GNG12: variants seen among roughly 807,000 people sequenced by gnomAD.
The protein encoded by GNG12 is G protein subunit gamma 12.
For synonymous variants in GNG12, 28 were observed against 29.7 expected (o/e 0.94, Z 0.19); for missense variants, 69 against 83.8 (o/e 0.82, Z 0.69).
chr1:67,744,518 G>A (rs947839877), intron 2 of GNG12, among the ~76,000 whole-genome samples: 1 of 152,146 alleles, frequency 6.6e-6, no homozygotes, highest in Non-Finnish European at 1.5e-5. Flanking sequence ...TTGTAAGAAG[G>A]AGCACCAGTT....
rs141636525 is a variant in GNG12, at chr1:67,707,687, C to T, written c.-1G>A. The T allele has an allele frequency of 9.4e-6, 15 of 1,594,902 alleles. No homozygotes were observed. Among genetic ancestry groups the T allele is most frequent in the Non-Finnish European group, 1.3e-5 (15 of 1,172,188 alleles). The stretch of plus-strand genomic sequence containing the variant: ...TGGTGCTTGCTGTTTTGCTGGACAT[C>T]TTCAATTATTGTTTTTACCTGAAAT... On this transcript the variant is annotated 5_prime_UTR_variant, in exon 3 of 4. Coordinates refer to ENST00000370982, the MANE Select transcript of GNG12 (RefSeq NM_018841.6).
At chr1:67,757,981 GT>G (rs1204933174) in intron 2 of GNG12, among the ~76,000 whole-genome samples, 1 of 151,482 alleles carries the variant, frequency 6.6e-6, no homozygotes, top group Non-Finnish European at 1.5e-5. Context: ...TTCCTTTTTT[GT>G]TTTTTTGAGA....
intron 2 of GNG12, among the ~76,000 whole-genome samples, chr1:67,770,127 GC>G (rs1310715394): frequency 6.6e-6 from 1 of 152,204 alleles, no homozygotes; most frequent in Non-Finnish European, 1.5e-5. Flanking sequence ...AAATTCCAAA[GC>G]AAGGGATCTG....
chr1:67,817,561 G>A (rs2100816881), intron 1 of GNG12, among the ~76,000 whole-genome samples: 1 of 141,964 alleles, frequency 7.0e-6, no homozygotes, highest in East Asian at 2.0e-4. Flanking sequence ...CCCTGGCTCA[G>A]GCATAGCCCG....
chr1:67,739,147 C>G (rs1646468991), intron 2 of GNG12, among the ~76,000 whole-genome samples: 1 of 152,204 alleles, frequency 6.6e-6, no homozygotes, highest in African/African-American at 2.4e-5. Context: ...CCATTGCACT[C>G]TAGGCTGGGC....
intron 1 of GNG12, among the ~76,000 whole-genome samples, chr1:67,787,392 C>T (rs774329205): frequency 1.3e-5 from 2 of 152,172 alleles, no homozygotes; most frequent in South Asian, 4.2e-4. Flanking sequence ...GCAAAGAGTT[C>T]TCTAGTGGAG....
At chr1:67,812,125 A>T (rs1646929565) in intron 1 of GNG12, among the ~76,000 whole-genome samples, 1 of 152,142 alleles carries the variant, frequency 6.6e-6, no homozygotes, top group South Asian at 2.1e-4. Flanking sequence ...CCACTGATCA[A>T]ATCAGTCATC....
At chr1:67,763,013 G>A (rs1457648935) in intron 2 of GNG12, among the ~76,000 whole-genome samples, 1 of 151,152 alleles carries the variant, frequency 6.6e-6, no homozygotes, top group African/African-American at 2.4e-5. Flanking sequence ...TTCAGACTTA[G>A]AGAATAGTCG....
intron 1 of GNG12, among the ~76,000 whole-genome samples, chr1:67,820,314 G>A (rs973541320): frequency 2.0e-5 from 3 of 151,756 alleles, no homozygotes; most frequent in Non-Finnish European, 2.9e-5. Flanking sequence ...GCTTGAACCC[G>A]GATGGCGGAG....
intron 1 of GNG12, among the ~76,000 whole-genome samples, chr1:67,816,317 T>G (rs1646953669): frequency 6.6e-6 from 1 of 151,912 alleles, no homozygotes; most frequent in Non-Finnish European, 1.5e-5. Flanking sequence ...CTGGGCAGAG[T>G]GCAAAGGGCA....
chr1:67,733,048 A>G (rs1271602002), intron 2 of GNG12, among the ~76,000 whole-genome samples: 7 of 152,228 alleles, frequency 4.6e-5, no homozygotes, highest in Admixed American at 4.6e-4. Context: ...GCAACTGCAC[A>G]GGCTCCCAAG....
chr1:67,778,759 T>A (rs1302757294), intron 1 of GNG12, among the ~76,000 whole-genome samples: 1 of 152,106 alleles, frequency 6.6e-6, no homozygotes, highest in African/African-American at 2.4e-5. Context: ...GAGTCCATGC[T>A]TTTACCCACC....
chr1:67,783,716 T>G (rs1033332682), intron 1 of GNG12, among the ~76,000 whole-genome samples: 2 of 152,046 alleles, frequency 1.3e-5, no homozygotes, highest in African/African-American at 4.8e-5. Flanking sequence ...CATGAAAAAA[T>G]GCTCATCATC....
intron 1 of GNG12, among the ~76,000 whole-genome samples, chr1:67,825,762 C>T (rs1004132003): frequency 4.6e-5 from 7 of 152,166 alleles, no homozygotes; most frequent in African/African-American, 9.7e-5. Context: ...TCCCTCTCCA[C>T]GTTCCCAGGA....
At chr1:67,735,071 G>A (rs1646444569) in intron 2 of GNG12, among the ~76,000 whole-genome samples, 1 of 152,008 alleles carries the variant, frequency 6.6e-6, no homozygotes, top group Non-Finnish European at 1.5e-5. Flanking sequence ...GGTCAGGCTG[G>A]TCTCAAACTC....
intron 2 of GNG12, among the ~76,000 whole-genome samples, chr1:67,733,958 G>A (rs532040697): frequency 6.6e-6 from 1 of 152,290 alleles, no homozygotes; most frequent in East Asian, 1.9e-4. Context: ...TTCAGTGAGT[G>A]TGCAATGCTT....
At chr1:67,730,435 G>A (rs1294674926) in intron 2 of GNG12, among the ~76,000 whole-genome samples, 2 of 152,170 alleles carry the variant, frequency 1.3e-5, no homozygotes, top group East Asian at 3.9e-4. Context: ...CCAGGAGGAG[G>A]CGGAGGTTGC....
At chr1:67,713,652 C>T (rs1570478170) in intron 2 of GNG12, among the ~76,000 whole-genome samples, 1 of 151,710 alleles carries the variant, frequency 6.6e-6, no homozygotes. Flanking sequence ...AATAAAAGAG[C>T]AGGTTAAAAG....
At chr1:67,832,362 G>T (rs1274788758) in intron 1 of GNG12, 1 of 152,082 alleles carries the variant, frequency 6.6e-6, no homozygotes, top group East Asian at 1.9e-4. Flanking sequence ...CCGCAGCAAT[G>T]CCTCCACTCA....
Sources: gnomAD v4.1 joint callset for allele counts (sites outside exome capture counted in the v4.1 genomes callset) on GRCh38, gnomAD v4.1.1 for gene constraint, MANE v1.5 for transcripts, NCBI Gene and HGNC (gene_info 2026-07-23, HGNC 2026-07-21) for gene names.